The following ZNF521 variants were observed in gnomAD, a reference collection of about 807,000 sequenced individuals.
ZNF521 encodes the protein zinc finger protein 521.
A neutral mutation model predicts 105.5 loss-of-function variants in ZNF521; 14 were observed. The ratio of observed to expected loss-of-function variants is 0.13; its 90% confidence interval spans 0.09 to 0.21. The LOEUF (loss-of-function observed/expected upper bound fraction) is 0.21. Ranked by LOEUF, ZNF521 falls within the 10% of genes least tolerant of loss-of-function variation. The pLI is 1.00. For missense variants in ZNF521, 1,233 were observed against 1,629.7 expected (o/e 0.76, Z 4.19); for synonymous variants, 635 against 606.0 (o/e 1.05, Z -0.70).
chr18:25,206,507 G>A (rs1218647811), intron 4 of ZNF521, among the ~76,000 whole-genome samples: 1 of 151,856 alleles, frequency 6.6e-6, no homozygotes. Context: ...TTCTGTCAAA[G>A]AAATACCTCG....
chr18:25,139,579 C>G (rs796321996), intron 5 of ZNF521, among the ~76,000 whole-genome samples: 12 of 152,016 alleles, frequency 7.9e-5, no homozygotes, highest in African/African-American at 2.9e-4. Flanking sequence ...TGTTACAGCC[C>G]TTTTCAGGTA....
At chr18:25,288,500 C>G (rs1443508911) in intron 3 of ZNF521, among the ~76,000 whole-genome samples, 1 of 149,736 alleles carries the variant, frequency 6.7e-6, no homozygotes, top group Non-Finnish European at 1.5e-5. Context: ...CTCACTCTTT[C>G]TCTTTTCCTC....
intron 3 of ZNF521, among the ~76,000 whole-genome samples, chr18:25,252,248 T>C (rs1030217934): frequency 1.3e-5 from 2 of 152,084 alleles, no homozygotes; most frequent in Non-Finnish European, 2.9e-5. Flanking sequence ...AATATTAACA[T>C]ACCAAACTCA....
At chr18:25,134,949 A>T (rs1298568904) in intron 5 of ZNF521, among the ~76,000 whole-genome samples, 1 of 152,114 alleles carries the variant, frequency 6.6e-6, no homozygotes, top group Non-Finnish European at 1.5e-5. Flanking sequence ...AGCTGCCACA[A>T]ACACACCACT....
At position 25,212,322 on chromosome 18, in the gene ZNF521, C is replaced by T. The variant is rs144990578; in HGVS notation, c.3573+12023G>A. Among the ~76,000 whole-genome samples the T allele has an allele frequency of 4.0e-3, 610 of 150,696 alleles. 6 individuals carry two copies. The highest frequency in any genetic ancestry group is 6.6e-3 in the Non-Finnish European group (446 of 67,682). On this transcript the variant is annotated intron_variant, in intron 4 of 7. Coordinates refer to ENST00000361524, the MANE Select transcript of ZNF521 (RefSeq NM_015461.3). The stretch of plus-strand genomic sequence containing the variant: ...GTCAGCAGTTCGAGACCAGCCTGGC[C>T]AACATAGTGAAACCCTGTCTCTACT...
chr18:25,283,558 C>T (rs1024706292), intron 3 of ZNF521, among the ~76,000 whole-genome samples: 2 of 152,214 alleles, frequency 1.3e-5, no homozygotes, highest in Admixed American at 1.3e-4. Context: ...TATGTGTCTG[C>T]ATTAAGTATA....
intron 7 of ZNF521, among the ~76,000 whole-genome samples, chr18:25,081,506 T>C (rs1190400301): frequency 9.9e-5 from 15 of 152,156 alleles, no homozygotes; most frequent in Admixed American, 9.8e-4. Context: ...TATTAACCAC[T>C]TGATTCTTGA....
chr18:25,304,763 T>A (rs1911875292), intron 3 of ZNF521, among the ~76,000 whole-genome samples: 2 of 152,196 alleles, frequency 1.3e-5, no homozygotes. Context: ...TGCCACTCCC[T>A]TCTTTGAAGA....
At chr18:25,080,294 C>T (rs968150835) in intron 7 of ZNF521, among the ~76,000 whole-genome samples, 3 of 152,178 alleles carry the variant, frequency 2.0e-5, no homozygotes, top group Non-Finnish European at 4.4e-5. Flanking sequence ...CTTTCACTCC[C>T]GTTTAAAGCC....
chr18:25,175,232 T>G (rs1235152088), intron 5 of ZNF521, among the ~76,000 whole-genome samples: 1 of 152,196 alleles, frequency 6.6e-6, no homozygotes, highest in African/African-American at 2.4e-5. Flanking sequence ...CATTCCTACC[T>G]CCGACGTATA....
rs76930287 is a variant in ZNF521, at chr18:25,341,021, T to C, written c.40+9886A>G. On this transcript the variant is annotated intron_variant, in intron 2 of 7. Coordinates refer to ENST00000361524, the MANE Select transcript of ZNF521 (RefSeq NM_015461.3). Reference sequence around the variant, plus strand: ...TGGAGGAGGCAAAAGGGATTTCATGTTGATCATCTTTTTCTTCGGTCAGTT... The same window carrying C: ...TGGAGGAGGCAAAAGGGATTTCATGCTGATCATCTTTTTCTTCGGTCAGTT... 6.3e-3 allele frequency among the ~76,000 whole-genome samples: 958 copies of C among 152,338 alleles called. 7 individuals carry two copies. The highest frequency in any genetic ancestry group is 0.024 in the Middle Eastern group (7 of 294).
intron 3 of ZNF521, among the ~76,000 whole-genome samples, chr18:25,290,207 G>A (rs1214800169): frequency 1.3e-5 from 2 of 152,158 alleles, no homozygotes; most frequent in Non-Finnish European, 2.9e-5. Flanking sequence ...ACTGAAGAAG[G>A]CGCTTTGATT....
chr18:25,288,769 G>T (rs1042333604), intron 3 of ZNF521, among the ~76,000 whole-genome samples: 1 of 152,096 alleles, frequency 6.6e-6, no homozygotes, highest in Non-Finnish European at 1.5e-5. Context: ...TACAATAACT[G>T]TCAGGAGTCA....
At chr18:25,349,335 C>T (rs1028519857) in intron 2 of ZNF521, among the ~76,000 whole-genome samples, 1 of 152,180 alleles carries the variant, frequency 6.6e-6, no homozygotes, top group African/African-American at 2.4e-5. Flanking sequence ...ACTGTCGACA[C>T]TTGGATCTTT....
At position 25,225,663 on chromosome 18, in the gene ZNF521, T is replaced by C. The variant is rs757625644; in HGVS notation, c.2255A>G (p.Tyr752Cys). Residue 752 changes from tyrosine to cysteine, a missense_variant, in exon 4 of 8, where the codon TAT (tyrosine) becomes TGT (cysteine). Physicochemically the swap from Tyr to Cys is radical, Grantham distance 194. Coordinates refer to ENST00000361524, the MANE Select transcript of ZNF521 (RefSeq NM_015461.3). This position sits in a 1 kb window ranked among gnomAD's most constrained non-coding sequence, Gnocchi z 5.6. ...AVKHSNEKKV[Y>C]RCTSCNWDFR... is the part of the protein sequence containing the mutation. ...GTCCCAGTTGCAAGATGTGCACCTA[T>C]AGACTTTCTTTTCGTTACTGTGCTT... is the stretch of plus-strand genomic sequence containing the variant. 9.3e-6 allele frequency: 15 copies of C among 1,614,174 alleles called. No individual in the cohort carries two copies. The highest frequency in any genetic ancestry group is 1.1e-5 in the Non-Finnish European group (13 of 1,180,030).
intron 3 of ZNF521, among the ~76,000 whole-genome samples, chr18:25,303,888 T>C (rs1427855913): frequency 6.6e-6 from 1 of 152,196 alleles, no homozygotes; most frequent in East Asian, 1.9e-4. Context: ...AATACAGAAA[T>C]AGGTTGTTCA....
intron 6 of ZNF521, among the ~76,000 whole-genome samples, chr18:25,090,701 C>A (rs145426503): frequency 1.3e-5 from 2 of 152,244 alleles, no homozygotes; most frequent in Admixed American, 1.3e-4. Context: ...TAACTCAGTA[C>A]ATTTTATGAG....
intron 2 of ZNF521, among the ~76,000 whole-genome samples, chr18:25,350,157 G>A (rs928717911): frequency 1.3e-5 from 2 of 152,072 alleles, no homozygotes; most frequent in Admixed American, 1.3e-4. Context: ...CCAAAATCCC[G>A]CACGCACGCC....
At chr18:25,296,008 C>T (rs927283010) in intron 3 of ZNF521, among the ~76,000 whole-genome samples, 8 of 152,212 alleles carry the variant, frequency 5.3e-5, no homozygotes, top group African/African-American at 1.9e-4. Flanking sequence ...ATTTTACTTT[C>T]ATCTTAGCCC....
Sources: gnomAD v4.1 joint callset for allele counts (sites outside exome capture counted in the v4.1 genomes callset) on GRCh38, gnomAD v4.1.1 for gene constraint, Gnocchi (gnomAD v3.1) non-coding constraint, MANE v1.5 for transcripts, NCBI Gene and HGNC (gene_info 2026-07-23, HGNC 2026-07-21) for gene names.